TRPC1: variants seen among roughly 807,000 people sequenced by gnomAD.
TRPC1 encodes short transient receptor potential channel 1.
A neutral mutation model predicts 88.2 loss-of-function variants in TRPC1; 42 were observed. The observed-to-expected ratio is 0.48, with a 90% CI of 0.37 to 0.62. TRPC1 has a LOEUF of 0.62. Among genes scored for constraint, TRPC1 ranks in the 20% least tolerant of loss-of-function variants. The pLI, the probability that TRPC1 is intolerant of heterozygous loss-of-function variation, is 0.00. For missense variants in TRPC1, 699 were observed against 957.3 expected (o/e 0.73, Z 3.56); for synonymous variants, 288 against 331.8 (o/e 0.87, Z 1.43).
Position 142,804,058 on chromosome 3 carries a change from T to G in TRPC1, c.1839T>G (p.Tyr613Ter). 1 of 1,613,870 alleles carries G rather than the reference T, an allele frequency of 6.2e-7. No homozygotes were observed. The highest frequency in any genetic ancestry group is 8.5e-7 in the Non-Finnish European group (1 of 1,179,866). ...CAATCTTTGTCACAAGATTTAGCTA[T>G]GGAGAAGAACTGCAGTCCTTTGTGG... is the stretch of plus-strand genomic sequence containing the variant. ...HVAIFVTRFSYGEELQSFVGA... is the reference protein window; with the variant it reads ...HVAIFVTRFS Residue 613 changes from tyrosine (Y) to a stop codon, truncating the protein, a stop_gained, in exon 11 of 13, where the codon TAT becomes TAG. Transcript: ENST00000476941. LOFTEE classifies it high-confidence loss of function.
chr3:142,801,729 T>C (rs901991898), intron 9 of TRPC1, among the ~76,000 whole-genome samples: 4 of 152,174 alleles, frequency 2.6e-5, no homozygotes, highest in African/African-American at 7.2e-5. Flanking sequence ...TGGTTTAGAA[T>C]TGGTTTCAAA....
At chr3:142,730,609 T>A (rs1284950860) in intron 1 of TRPC1, among the ~76,000 whole-genome samples, 5 of 151,618 alleles carry the variant, frequency 3.3e-5, no homozygotes, top group African/African-American at 4.8e-5. Context: ...TGCATGGGTT[T>A]TTTTTTTTTT....
intron 2 of TRPC1, among the ~76,000 whole-genome samples, chr3:142,738,437 G>A (rs1455809188): frequency 6.6e-6 from 1 of 152,158 alleles, no homozygotes; most frequent in Non-Finnish European, 1.5e-5. Flanking sequence ...TAATACAAAG[G>A]TATATTTGGT....
chr3:142,762,379 C>T (rs936508187), intron 4 of TRPC1, among the ~76,000 whole-genome samples: 7 of 147,014 alleles, frequency 4.8e-5, no homozygotes, highest in South Asian at 2.2e-4. Context: ...ATTTCTGCTT[C>T]GATCTTTATT....
intron 9 of TRPC1, chr3:142,801,201 G>A (rs887978351): frequency 1.1e-4 from 16 of 152,070 alleles, no homozygotes; most frequent in Non-Finnish European, 2.2e-4. Flanking sequence ...TAAAAACAAT[G>A]TTGAGTAATG....
chr3:142,724,551 T>C lies in TRPC1; in HGVS notation c.-9T>C. 2 of 1,549,382 alleles carry C rather than the reference T, an allele frequency of 1.3e-6. No homozygotes were observed. The highest frequency in any genetic ancestry group is 8.7e-7 in the Non-Finnish European group (1 of 1,148,770). ...CCCGTCTCCTGGCCTGCCCCCTTCATGGGCCGCGATGATGGCGGCCCTGTA... is the reference window on the plus strand; with the variant it reads ...CCCGTCTCCTGGCCTGCCCCCTTCACGGGCCGCGATGATGGCGGCCCTGTA... On this transcript the variant is annotated 5_prime_UTR_variant, in exon 1 of 13. It removes an upstream start codon present in the reference 5' UTR. Coordinates refer to ENST00000476941, the MANE Select transcript of TRPC1 (RefSeq NM_001251845.2). This position sits in a 1 kb window ranked among gnomAD's most constrained non-coding sequence, Gnocchi z 5.6.
chr3:142,797,623 T>C (rs188848821), intron 9 of TRPC1, among the ~76,000 whole-genome samples: 1 of 152,260 alleles, frequency 6.6e-6, no homozygotes, highest in Admixed American at 6.5e-5. Context: ...GACAGGTTGG[T>C]TCAAAATCTT....
At chr3:142,731,709 C>T (rs1266485096) in intron 1 of TRPC1, among the ~76,000 whole-genome samples, 1 of 151,984 alleles carries the variant, frequency 6.6e-6, no homozygotes, top group Non-Finnish European at 1.5e-5. Flanking sequence ...TAACCGATAA[C>T]TCTAGCTGTG....
At chr3:142,802,381 T>C (rs774510221) in intron 10 of TRPC1, 37 bp downstream of exon 10, 2 of 1,283,184 alleles carry the variant, frequency 1.6e-6, no homozygotes, top group Non-Finnish European at 2.0e-6. Context: ...AATATATTTG[T>C]CTTTTTTTTT....
At chr3:142,726,308 G>A (rs1933667820) in intron 1 of TRPC1, among the ~76,000 whole-genome samples, 1 of 152,184 alleles carries the variant, frequency 6.6e-6, no homozygotes, top group Non-Finnish European at 1.5e-5. Context: ...ATATGGTTGA[G>A]CAAGTATTTG....
At chr3:142,739,999 T>C (rs1934286899) in intron 2 of TRPC1, among the ~76,000 whole-genome samples, 1 of 152,212 alleles carries the variant, frequency 6.6e-6, no homozygotes, top group Non-Finnish European at 1.5e-5. Flanking sequence ...GCGATGGTAT[T>C]AGATCCTCAT....
chr3:142,762,175 A>G (rs1400419840), intron 4 of TRPC1, among the ~76,000 whole-genome samples: 4 of 152,006 alleles, frequency 2.6e-5, no homozygotes, highest in African/African-American at 9.7e-5. Context: ...AGCTGGGACT[A>G]TAGGCACGTG....
chr3:142,791,518 T>C (rs1936295697), intron 8 of TRPC1, among the ~76,000 whole-genome samples: 1 of 152,106 alleles, frequency 6.6e-6, no homozygotes, highest in Non-Finnish European at 1.5e-5. Flanking sequence ...AACCACACAA[T>C]AGGAAACCAA....
chr3:142,757,239 A>G (rs1935004375), intron 4 of TRPC1, among the ~76,000 whole-genome samples: 1 of 152,096 alleles, frequency 6.6e-6, no homozygotes, highest in Admixed American at 6.6e-5. Context: ...GGATATATAT[A>G]TATATGTATC....
At chr3:142,793,104 G>T in intron 9 of TRPC1, 137 bp downstream of exon 9, 1 of 716,174 alleles carries the variant, frequency 1.4e-6, no homozygotes. Context: ...CAATTAGAAG[G>T]ACACAGCATG....
intron 4 of TRPC1, among the ~76,000 whole-genome samples, chr3:142,763,754 T>A (rs989676809): frequency 4.0e-5 from 6 of 151,660 alleles, no homozygotes; most frequent in Non-Finnish European, 5.9e-5. Flanking sequence ...TCTCTTTTCC[T>A]TTTTTTGTTT....
chr3:142,732,234 A>G, intron 1 of TRPC1, among the ~76,000 whole-genome samples: 1 of 152,108 alleles, frequency 6.6e-6, no homozygotes, highest in East Asian at 1.9e-4. Context: ...GAGTTTGCTA[A>G]AGGCACTTAA....
chr3:142,732,389 C>T (rs1038814422), intron 1 of TRPC1, among the ~76,000 whole-genome samples: 4 of 152,092 alleles, frequency 2.6e-5, no homozygotes, highest in Admixed American at 1.3e-4. Context: ...CCTAGGGATC[C>T]GGCCTTCAGC....
intron 6 of TRPC1, among the ~76,000 whole-genome samples, chr3:142,781,805 G>C (rs1243626980): frequency 1.3e-5 from 2 of 151,968 alleles, no homozygotes; most frequent in Non-Finnish European, 2.9e-5. Context: ...TTACTTCTAA[G>C]ACTATTTTCA....
Sources: allele counts gnomAD v4.1 joint callset (sites outside exome capture counted in the v4.1 genomes callset), GRCh38; gene constraint gnomAD v4.1.1; non-coding constraint Gnocchi (gnomAD v3.1); transcripts MANE v1.5; gene names NCBI Gene and HGNC (gene_info 2026-07-23, HGNC 2026-07-21).